The following DLG5 variants were observed in gnomAD, a reference collection of about 807,000 sequenced individuals.
DLG5 encodes the protein discs large MAGUK scaffold protein 5.
Under a neutral mutation model 189.8 loss-of-function variants are expected in DLG5, and 48 were observed. The ratio of observed to expected loss-of-function variants is 0.25; its 90% confidence interval spans 0.20 to 0.32. DLG5 has a LOEUF of 0.32. Among genes scored for constraint, DLG5 ranks in the 10% least tolerant of loss-of-function variants. The pLI, the probability that DLG5 is intolerant of heterozygous loss-of-function variation, is 1.00. For synonymous variants in DLG5, 1,016 were observed against 1,054.1 expected (o/e 0.96, Z 0.70); for missense variants, 2,160 against 2,544.7 (o/e 0.85, Z 3.25).
chr10:77,830,968 C>G (rs1248663), intron 9 of DLG5, 95 bp from the exon 10 acceptor site: 997,332 of 1,458,208 alleles, frequency 0.68, 343,489 homozygotes, highest in African/African-American at 0.92. Flanking sequence ...CCATTTGAAA[C>G]AGCTAAAATG....
At chr10:77,802,642 A>C (rs1271489488) in intron 27 of DLG5, among the ~76,000 whole-genome samples, 1 of 152,238 alleles carries the variant, frequency 6.6e-6, no homozygotes, top group Non-Finnish European at 1.5e-5. Flanking sequence ...TCCCGGGTGC[A>C]GTGCCTTGCA....
chr10:77,829,244 T>C (rs942864444), intron 12 of DLG5, 111 bp downstream of exon 12: 4 of 1,428,544 alleles, frequency 2.8e-6, no homozygotes, highest in East Asian at 2.3e-5. Context: ...TTAAATGGCA[T>C]TGGCCCCTCA....
chr10:77,901,340 G>A (rs1472225026), intron 1 of DLG5, among the ~76,000 whole-genome samples: 1 of 152,122 alleles, frequency 6.6e-6, no homozygotes, highest in Non-Finnish European at 1.5e-5. Context: ...CAAGAAACAG[G>A]GCCGTCAGAG....
intron 1 of DLG5, among the ~76,000 whole-genome samples, chr10:77,876,748 GAA>G (rs60963892): frequency 0.052 from 6,436 of 123,932 alleles, 356 homozygotes; most frequent in East Asian, 0.3. Context: ...AGGAAGGAAG[GAA>G]AAAAAAAAAG....
At chr10:77,830,688 TCTC>T (rs959080647) in intron 10 of DLG5, 50 bp downstream of exon 10, 2 of 1,600,036 alleles carry the variant, frequency 1.2e-6, no homozygotes, top group African/African-American at 1.3e-5. Flanking sequence ...CGGGTCACCG[TCTC>T]CTCCTTCATC....
Position 77,816,545 on chromosome 10 carries a change from G to A in DLG5, c.4025+6C>T. The A allele has an allele frequency of 6.2e-7, 1 of 1,614,050 alleles. No individual in the cohort carries two copies. The highest frequency in any genetic ancestry group is 8.5e-7 in the Non-Finnish European group (1 of 1,179,956). ...ACCCACTCCACCGATGACCGGCCATGCTCACCTGTCCTTTCTCCGCTCCCC... is the reference window on the plus strand; with the variant it reads ...ACCCACTCCACCGATGACCGGCCATACTCACCTGTCCTTTCTCCGCTCCCC... On this transcript the variant is annotated splice_donor_region_variant and intron_variant, in intron 20 of 31. Coordinates refer to ENST00000372391, the MANE Select transcript of DLG5 (RefSeq NM_004747.4).
At chr10:77,802,346 A>C (rs531330066) in intron 27 of DLG5, among the ~76,000 whole-genome samples, 1 of 152,336 alleles carries the variant, frequency 6.6e-6, no homozygotes, top group Non-Finnish European at 1.5e-5. Context: ...ATCCAGTGAG[A>C]ATCTCCAAAA....
intron 2 of DLG5, chr10:77,868,534 A>T (rs1189144543): frequency 3.7e-6 from 1 of 266,904 alleles, no homozygotes; most frequent in African/African-American, 2.2e-5. Flanking sequence ...CTTCGGGCTC[A>T]AAAGATGGCC....
Position 77,833,960 on chromosome 10 carries a change from T to A in DLG5, c.1702A>T (p.Thr568Ser). 5 of 1,606,950 alleles carry A rather than the reference T, an allele frequency of 3.1e-6. No individual in the cohort carries two copies. Among genetic ancestry groups the A allele is most frequent in the Non-Finnish European group, 4.2e-6 (5 of 1,179,918 alleles). Reference protein sequence around the residue: ...LAEALRSLDDTRKQKNDVSRE... With the variant: ...LAEALRSLDDSRKQKNDVSRE... Reference sequence around the variant, plus strand: ...CTGACATCATTCTTCTGCTTGCGGGTGTCATCCAGGCTGCGCAGGGCCTCA... The same window carrying A: ...CTGACATCATTCTTCTGCTTGCGGGAGTCATCCAGGCTGCGCAGGGCCTCA... The change falls in exon 9 of 32, where the codon ACC (threonine) becomes TCC (serine). Residue 568 changes from threonine (T) to serine (S), a missense_variant. Coordinates refer to ENST00000372391, the MANE Select transcript of DLG5 (RefSeq NM_004747.4).
intron 1 of DLG5, among the ~76,000 whole-genome samples, chr10:77,883,344 T>G (rs1031689556): frequency 2.0e-5 from 3 of 152,028 alleles, no homozygotes; most frequent in Admixed American, 2.0e-4. Context: ...GGTGACACAG[T>G]TAACAGAGGC....
intron 1 of DLG5, among the ~76,000 whole-genome samples, chr10:77,871,466 C>T (rs1392367865): frequency 6.6e-6 from 1 of 151,892 alleles, no homozygotes; most frequent in Non-Finnish European, 1.5e-5. Context: ...AAGTCCAACC[C>T]ACACTATTAG....
At chr10:77,855,958 C>A (rs1844209155) in intron 3 of DLG5, among the ~76,000 whole-genome samples, 1 of 152,194 alleles carries the variant, frequency 6.6e-6, no homozygotes, top group Non-Finnish European at 1.5e-5. Context: ...ATGGGCCACC[C>A]TTCCCTGGTA....
chr10:77,793,890 AC>A (rs1485486414), intron 31 of DLG5, 117 bp downstream of exon 31: 1 of 853,982 alleles, frequency 1.2e-6, no homozygotes, highest in African/African-American at 1.7e-5. Context: ...CGTGCTCATG[AC>A]AGCACTTGGG....
rs1843542400 is a variant in DLG5 at position 77,843,691 on chromosome 10, C to T, written c.880G>A (p.Gly294Arg). The T allele has an allele frequency of 1.2e-6, 2 of 1,614,032 alleles. No individual in the cohort carries two copies. The highest frequency in any genetic ancestry group is 4.5e-5 in the East Asian group (2 of 44,880). Reference protein sequence around the residue: ...AQQQQVLKHNGSSEILNKLYD... With the variant: ...AQQQQVLKHNRSSEILNKLYD... ...AGTTTGTTGAGAATCTCGGATGACC[C>T]GTTGTGCTTCAACACCTGGAGACCA... is the stretch of plus-strand genomic sequence containing the variant. Residue 294 changes from glycine (G) to arginine (R), a missense_variant, in exon 6 of 32, where the codon GGG (glycine) becomes AGG (arginine). This residue lies in a region of DLG5 where 664 missense variants were observed against 838.5 expected (regional missense o/e 0.79). Transcript: ENST00000372391.
intron 27 of DLG5, among the ~76,000 whole-genome samples, chr10:77,800,931 C>T (rs1239844067): frequency 6.6e-6 from 1 of 152,180 alleles, no homozygotes; most frequent in Non-Finnish European, 1.5e-5. Flanking sequence ...ACCAGCTGCA[C>T]AAAAGCTGCA....
At chr10:77,804,036 A>G (rs1360430623) in intron 27 of DLG5, among the ~76,000 whole-genome samples, 2 of 152,140 alleles carry the variant, frequency 1.3e-5, no homozygotes, top group African/African-American at 4.8e-5. Flanking sequence ...AACTACAGGC[A>G]TGAGCCACCA....
At chr10:77,805,174 T>C (rs1841407107) in intron 27 of DLG5, among the ~76,000 whole-genome samples, 1 of 152,202 alleles carries the variant, frequency 6.6e-6, no homozygotes, top group Admixed American at 6.5e-5. Context: ...TTCACCATGT[T>C]GGCCAGGCTG....
At chr10:77,889,177 CCTCCCAGGCCTCACAAGCCCACAGGTAAA>C (rs1397314101) in intron 1 of DLG5, among the ~76,000 whole-genome samples, 1 of 149,650 alleles carries the variant, frequency 6.7e-6, no homozygotes, top group Non-Finnish European at 1.5e-5. Flanking sequence ...CCACAGGTAA[CCTCCCAGGCCTCACAAGCCCACAGGTAAA>C]CTCCCAGGCC....
At chr10:77,885,978 C>G (rs1285319657) in intron 1 of DLG5, among the ~76,000 whole-genome samples, 1 of 152,124 alleles carries the variant, frequency 6.6e-6, no homozygotes, top group East Asian at 1.9e-4. Context: ...AGAGAAAGGT[C>G]CCCCCAGATA....
Sources: gnomAD v4.1 joint callset for allele counts (sites outside exome capture counted in the v4.1 genomes callset) on GRCh38, gnomAD v4.1.1 for gene constraint, gnomAD v4.1.1 regional missense constraint, MANE v1.5 for transcripts, NCBI Gene and HGNC (gene_info 2026-07-23, HGNC 2026-07-21) for gene names.